Variants in CNOT10 observed in about 807,000 individuals in gnomAD.
The protein encoded by CNOT10 is CCR4-NOT transcription complex, subunit 10.
Under a neutral mutation model 94.6 loss-of-function variants are expected in CNOT10, and 30 were observed. The observed-to-expected ratio is 0.32, with a 90% CI of 0.24 to 0.43. CNOT10 has a LOEUF of 0.43. Ranked by LOEUF, CNOT10 falls within the 20% of genes least tolerant of loss-of-function variation. The probability of loss-of-function intolerance (pLI) is 1.00; values close to 1 mark genes in which losing one functional copy is unlikely to be tolerated. For missense variants in CNOT10, 759 were observed against 877.2 expected, an observed-to-expected ratio of 0.87 and a Z score of 1.70; for synonymous variants, 289 against 301.6, an observed-to-expected ratio of 0.96 and a Z score of 0.43.
rs139075908 is a variant in CNOT10, at chr3:32,690,708, G to T, written c.22+5226G>T. On this transcript the variant is annotated intron_variant, in intron 1 of 18. Transcript: ENST00000328834. ...ACTACAGGTGCATGCCACCATGCCCGGCTAGTTTTTTTGTATTTTTAGTAG... is the reference window on the plus strand; with the variant it reads ...ACTACAGGTGCATGCCACCATGCCCTGCTAGTTTTTTTGTATTTTTAGTAG... 3.1e-3 allele frequency among the ~76,000 whole-genome samples: 470 copies of T among 151,920 alleles called. 5 individuals carry two copies. The highest frequency in any genetic ancestry group is 0.011 in the African/African-American group (451 of 41,438).
intron 12 of CNOT10, among the ~76,000 whole-genome samples, 191 bp from the exon 13 acceptor site, chr3:32,737,219 G>A (rs1379074270): frequency 6.6e-6 from 1 of 152,150 alleles, no homozygotes; most frequent in African/African-American, 2.4e-5. Flanking sequence ...GGAGGCTGAG[G>A]CGGGAGAATC....
At chr3:32,716,807 C>A (rs1384888283) in intron 6 of CNOT10, among the ~76,000 whole-genome samples, 1 of 152,022 alleles carries the variant, frequency 6.6e-6, no homozygotes, top group Admixed American at 6.6e-5. Flanking sequence ...CATCACCACA[C>A]CCGGATAATT....
chr3:32,695,966 A>AGTGTGTGT lies in CNOT10; in HGVS notation c.23-7901_23-7900insTGTGTGTG, dbSNP rs1374247638. On this transcript the variant is annotated intron_variant, in intron 1 of 18. Coordinates refer to ENST00000328834, the MANE Select transcript of CNOT10 (RefSeq NM_015442.3). Reference sequence around the variant, plus strand: ...GAAAATAAAAATAATCCTGTTGAAGAGAGTGTGTGTGTGTGTGTGTGTGTG... The same window carrying AGTGTGTGT: ...GAAAATAAAAATAATCCTGTTGAAGAGTGTGTGTGAGTGTGTGTGTGTGTGTGTGTGTG... 1,118 of 616,332 alleles carry AGTGTGTGT rather than the reference A, an allele frequency of 1.8e-3. 6 individuals are homozygous for AGTGTGTGT. Among genetic ancestry groups the AGTGTGTGT allele is most frequent in the African/African-American group, 2.3e-3 (100 of 44,214 alleles). 38.2% of individuals were successfully genotyped at this position (616,332 alleles called of 1,614,324 possible).
chr3:32,692,537 A>G (rs1696895138), intron 1 of CNOT10, among the ~76,000 whole-genome samples: 1 of 152,186 alleles, frequency 6.6e-6, no homozygotes, highest in Admixed American at 6.6e-5. Context: ...GTTATCCAGT[A>G]TTAGTGATGC....
At chr3:32,732,432 T>C (rs1699001265) in intron 10 of CNOT10, among the ~76,000 whole-genome samples, 1 of 151,120 alleles carries the variant, frequency 6.6e-6, no homozygotes, top group Non-Finnish European at 1.5e-5. Context: ...ATAGAAAAAT[T>C]AGCCAGTCAT....
Position 32,737,398 on chromosome 3 carries a change from C to T in CNOT10, c.1515-12C>T. On this transcript the variant is annotated splice_polypyrimidine_tract_variant and intron_variant, in intron 12 of 18. Transcript: ENST00000328834. Reference sequence around the variant, plus strand: ...TTGCTCTTCATAATTAAGACTCTTACCTCTATTTTAGCAGTAAAAGCCATG... The same window carrying T: ...TTGCTCTTCATAATTAAGACTCTTATCTCTATTTTAGCAGTAAAAGCCATG... 1 of 1,569,786 alleles carries T rather than the reference C, an allele frequency of 6.4e-7. No homozygotes were observed. Among genetic ancestry groups the T allele is most frequent in the Non-Finnish European group, 8.7e-7 (1 of 1,143,030 alleles).
At chr3:32,753,918 TCACA>T (rs146449669) in intron 13 of CNOT10, 40 of 1,019,292 alleles carry the variant, frequency 3.9e-5, no homozygotes, top group African/African-American at 6.5e-5. Context: ...TAATTTGCTC[TCACA>T]CACACACACA....
chr3:32,749,645 G>A (rs113115778), intron 13 of CNOT10, among the ~76,000 whole-genome samples: 5,980 of 151,950 alleles, frequency 0.039, 187 homozygotes, highest in African/African-American at 0.079. Context: ...CCCAACTTTC[G>A]GTGATCTGCC....
At position 32,765,026 on chromosome 3, in the gene CNOT10, T is replaced by A. The variant is rs1045643205; in HGVS notation, c.2004+217T>A. On this transcript the variant is annotated intron_variant, in intron 17 of 18. Transcript: ENST00000328834. ...GAAAGTTCTTCTTGATGATTTTATTTTAAAAAAAATTTTTTTTTGCCAGGC... is the reference window on the plus strand; with the variant it reads ...GAAAGTTCTTCTTGATGATTTTATTATAAAAAAAATTTTTTTTTGCCAGGC... 13 of 1,462,936 alleles carry A rather than the reference T, an allele frequency of 8.9e-6. No individual in the cohort carries two copies. The African/African-American group carries it at 1.3e-4, about 14-fold the overall frequency. The allele number at this position is 1,462,936 out of a possible 1,614,324, so 90.6% of individuals were successfully genotyped here.
rs552995370 is a variant in CNOT10, at chr3:32,686,286, T to A, written c.22+804T>A. Among the ~76,000 whole-genome samples, 20 of 152,342 alleles carry A rather than the reference T, an allele frequency of 1.3e-4. No homozygotes were observed. In the East Asian group the frequency reaches 1.5e-3, roughly 12 times the overall value. On this transcript the variant is annotated intron_variant, in intron 1 of 18. Transcript: ENST00000328834. ...ATTCTTTGTGGCATCCAGGTTTTAT[T>A]GGAAAGAACTTAAGTGACAGGATTT...
At chr3:32,687,864 T>G (rs1056674178) in intron 1 of CNOT10, 1 of 152,288 alleles carries the variant, frequency 6.6e-6, no homozygotes, top group Non-Finnish European at 1.5e-5. Flanking sequence ...AAGCATTGTG[T>G]TTTTTGAGCT....
In CNOT10 at chr3:32,727,729, G is replaced by C. The variant is rs1333151147; in HGVS notation, c.1074G>C (p.Leu358=). 2 of 1,613,976 alleles carry C rather than the reference G, an allele frequency of 1.2e-6. No homozygotes were observed. The highest frequency in any genetic ancestry group is 1.7e-6 in the Non-Finnish European group (2 of 1,179,978). ...TAACCAATAAGAGATATGAGTTGCT[G>C]TATAACTGTGGAATTCAGCTTCTTC... ...TLLTNKRYEL[L]YNCGIQLLHI... is the part of the protein sequence containing the mutation. Residue 358 remains leucine (L), a synonymous_variant, in exon 10 of 19, where the codon CTG becomes CTC. Coordinates refer to ENST00000328834, the MANE Select transcript of CNOT10 (RefSeq NM_015442.3).
At chr3:32,748,727 C>T (rs1379410700) in intron 13 of CNOT10, among the ~76,000 whole-genome samples, 3 of 151,916 alleles carry the variant, frequency 2.0e-5, no homozygotes, top group African/African-American at 7.3e-5. Flanking sequence ...CCAGGCTGAT[C>T]TCAAAAACAC....
intron 14 of CNOT10, among the ~76,000 whole-genome samples, chr3:32,761,128 C>CA (rs1212830202): frequency 2.6e-5 from 4 of 151,298 alleles, no homozygotes; most frequent in Non-Finnish European, 5.9e-5. Context: ...GACTCCATCT[C>CA]AAAAAAAAGT....
chr3:32,753,236 G>A, intron 13 of CNOT10: 2 of 753,082 alleles, frequency 2.7e-6, no homozygotes, highest in Non-Finnish European at 4.9e-6. Context: ...ATTAGATAGT[G>A]CAGATGCTAA....
At chr3:32,770,498 T>G (rs1351352485) in intron 18 of CNOT10, among the ~76,000 whole-genome samples, 6 of 151,150 alleles carry the variant, frequency 4.0e-5, no homozygotes, top group African/African-American at 1.2e-4. Flanking sequence ...CCTAATTTTG[T>G]GTATTTTTAG....
chr3:32,755,836 A>G (rs916782910), intron 13 of CNOT10, among the ~76,000 whole-genome samples: 2 of 148,070 alleles, frequency 1.4e-5, no homozygotes, highest in Non-Finnish European at 3.0e-5. Context: ...TTCCTTCAGC[A>G]TGTGAAGGGG....
chr3:32,759,554 G>A lies in CNOT10; in HGVS notation c.1692G>A (p.Lys564=), dbSNP rs1272434405. The change falls in exon 14 of 19, where the codon AAG becomes AAA. Residue 564 remains lysine (K), a synonymous_variant. Coordinates refer to ENST00000328834, the MANE Select transcript of CNOT10 (RefSeq NM_015442.3). Reference sequence around the variant, plus strand: ...CAGATAAACTTCTTCAGCAGCCCAAGCTGTCAGGATCTCTTAAGTAAGTGT... The same window carrying A: ...CAGATAAACTTCTTCAGCAGCCCAAACTGTCAGGATCTCTTAAGTAAGTGT... ...NHADKLLQQP[K]LSGSLKFLGH... 4 of 1,613,640 alleles carry A rather than the reference G, an allele frequency of 2.5e-6. No individual in the cohort carries two copies. Among genetic ancestry groups the A allele is most frequent in the Non-Finnish European group, 3.4e-6 (4 of 1,179,632 alleles).
chr3:32,738,137 C>T (rs1233187137), intron 13 of CNOT10, among the ~76,000 whole-genome samples: 2 of 152,074 alleles, frequency 1.3e-5, no homozygotes, highest in Non-Finnish European at 2.9e-5. Flanking sequence ...ATAGGTATTA[C>T]TCATGGACAC....
Sources: gnomAD v4.1 joint callset for allele counts (sites outside exome capture counted in the v4.1 genomes callset) on GRCh38, gnomAD v4.1.1 for gene constraint, MANE v1.5 for transcripts, NCBI Gene and HGNC (gene_info 2026-07-23, HGNC 2026-07-21) for gene names.